The following ODR4 variants were observed in gnomAD, a reference collection of about 807,000 sequenced individuals.
ODR4 encodes the protein odr-4 GPCR localization factor homolog.
ODR4 carries 47 observed loss-of-function variants against 60.2 expected under a neutral mutation model. That is an observed-to-expected ratio of 0.78 (90% CI 0.62 to 1.00). ODR4 has a LOEUF of 1.00. ODR4 is among the 50% of genes least tolerant of loss of function. The probability of loss-of-function intolerance (pLI) is 0.00; values close to 1 mark genes in which losing one functional copy is unlikely to be tolerated. For synonymous variants in ODR4, 178 were observed against 175.5 expected, an observed-to-expected ratio of 1.01 and a Z score of -0.11; for missense variants, 488 against 530.8, an observed-to-expected ratio of 0.92 and a Z score of 0.79.
intron 4 of ODR4, among the ~76,000 whole-genome samples, chr1:186,386,476 G>A (rs765203823): frequency 6.6e-6 from 1 of 151,940 alleles, no homozygotes; most frequent in East Asian, 1.9e-4. Context: ...TGTAAATTAT[G>A]CAAACAAATA....
intron 7 of ODR4, 24 bp from the exon 8 acceptor site, chr1:186,391,672 T>G (rs985091219): frequency 4.8e-6 from 7 of 1,455,926 alleles, no homozygotes; most frequent in Non-Finnish European, 6.7e-6. Flanking sequence ...ATCTGAAAGA[T>G]TTCCATGTTG....
downstream of ODR4, among the ~76,000 whole-genome samples, chr1:186,422,151 A>AT (rs200418489): frequency 1.4e-3 from 217 of 151,878 alleles, no homozygotes; most frequent in Admixed American, 4.1e-3. Context: ...TAAAAAAAAA[A>AT]TTTTTTTTAA....
intron 8 of ODR4, 41 bp from the exon 9 acceptor site, chr1:186,393,906 A>G: frequency 1.9e-6 from 2 of 1,049,792 alleles, no homozygotes; most frequent in Non-Finnish European, 2.9e-6. Context: ...TATGTTTTAC[A>G]GGCTTCACAG....
chr1:186,405,586 T>C (rs1661141668), intron 11 of ODR4, among the ~76,000 whole-genome samples: 1 of 152,204 alleles, frequency 6.6e-6, no homozygotes, highest in Non-Finnish European at 1.5e-5. Flanking sequence ...GGAGTCTCGC[T>C]CTGTTGCCCA....
Position 186,379,862 on chromosome 1 carries a change from T to A in ODR4, c.77T>A (p.Val26Asp), listed in dbSNP as rs371474114. The A allele has an allele frequency of 3.9e-5, 62 of 1,604,844 alleles. No individual in the cohort carries two copies. Among genetic ancestry groups the A allele is most frequent in the Non-Finnish European group, 4.8e-5 (56 of 1,174,596 alleles). Reference sequence around the variant, plus strand: ...ATAAATCTCCAAGGAAAGGCTTTTGTCTCTGGCCTTTTAATAGGACAGGTA... The same window carrying A: ...ATAAATCTCCAAGGAAAGGCTTTTGACTCTGGCCTTTTAATAGGACAGGTA... Reference protein sequence around the residue: ...SNINLQGKAFVSGLLIGQCSS... With the variant: ...SNINLQGKAFDSGLLIGQCSS... The change falls in exon 2 of 14, where the codon GTC (valine) becomes GAC (aspartate). Residue 26 changes from valine to aspartate, a missense_variant. By Grantham distance (152) the Val-to-Asp change is radical. Transcript: ENST00000287859.
In ODR4 at chr1:186,420,603, T is replaced by C. The variant is rs1661739597; in HGVS notation, c.*1527T>C. 6.6e-6 allele frequency: 1 copy of C among 151,914 alleles called. No homozygotes were observed. The highest frequency in any genetic ancestry group is 2.4e-5 in the African/African-American group (1 of 41,360). 9.4% of individuals were successfully genotyped at this position (151,914 alleles called of 1,614,324 possible). ...AAATAGAGCTCCTAAAAATGAGAAA[T>C]ATTTATTGAAATAAGAAAAAAGCCC... On this transcript the variant is annotated 3_prime_UTR_variant, in exon 14 of 14. Coordinates refer to ENST00000287859, the MANE Select transcript of ODR4 (RefSeq NM_017847.6).
At position 186,419,381 on chromosome 1, in the gene ODR4, C is replaced by G; in HGVS notation, c.*305C>G. On this transcript the variant is annotated 3_prime_UTR_variant, in exon 14 of 14. Transcript: ENST00000287859. The stretch of plus-strand genomic sequence containing the variant: ...ATGGGATATGATCATAGATTTTAGT[C>G]TTACTAATCTGAATCACATATTAAT... 5.9e-6 allele frequency: 2 copies of G among 338,722 alleles called. No individual in the cohort carries two copies. The highest frequency in any genetic ancestry group is 1.1e-5 in the Non-Finnish European group (2 of 180,904). The allele number at this position is 338,722 out of a possible 1,614,324, so 21.0% of individuals were successfully genotyped here.
chr1:186,400,194 G>T (rs1660879381), intron 11 of ODR4, among the ~76,000 whole-genome samples: 1 of 150,786 alleles, frequency 6.6e-6, no homozygotes, highest in Admixed American at 6.6e-5. Flanking sequence ...GTTTCACCGT[G>T]TTAGCCAGGA....
At chr1:186,414,622 C>T (rs1300329885) in intron 12 of ODR4, among the ~76,000 whole-genome samples, 3 of 151,896 alleles carry the variant, frequency 2.0e-5, no homozygotes, top group South Asian at 2.1e-4. Flanking sequence ...TGGGTTCACG[C>T]CATTCTCCTG....
chr1:186,426,136 C>T (rs1323113194), downstream of ODR4, among the ~76,000 whole-genome samples: 1 of 152,202 alleles, frequency 6.6e-6, no homozygotes, highest in Non-Finnish European at 1.5e-5. Flanking sequence ...CTAGCCACCA[C>T]TGTCTGTATT....
chr1:186,402,917 C>T lies in ODR4; in HGVS notation c.1001-3166C>T, dbSNP rs899384495. Among the ~76,000 whole-genome samples the T allele has an allele frequency of 2.0e-5, 3 of 151,984 alleles. No individual in the cohort carries two copies. The East Asian group carries it at 5.8e-4, about 29-fold the overall frequency. On this transcript the variant is annotated intron_variant, in intron 11 of 13. Transcript: ENST00000287859. Reference sequence around the variant, plus strand: ...ATATATAAAATAGGAATTATGGTACCTACTTTTTGAGGCTGCAAGATTAAA... The same window carrying T: ...ATATATAAAATAGGAATTATGGTACTTACTTTTTGAGGCTGCAAGATTAAA...
rs16825332 is a variant in ODR4 at position 186,418,514 on chromosome 1, G to A, written c.1298-495G>A. 1.4e-3 allele frequency among the ~76,000 whole-genome samples: 212 copies of A among 151,920 alleles called. 1 individual carries two copies. The highest frequency in any genetic ancestry group is 4.7e-3 in the African/African-American group (196 of 41,492). On this transcript the variant is annotated intron_variant, in intron 13 of 13. Coordinates refer to ENST00000287859, the MANE Select transcript of ODR4 (RefSeq NM_017847.6). ...TCTTTCTTTAGCTTACTATAATCAG[G>A]AAAAAATAAAAGTTACAACTTAGAT...
the ODR4 span, among the ~76,000 whole-genome samples, chr1:186,433,527 G>A: frequency 2.0e-5 from 3 of 151,932 alleles, no homozygotes; most frequent in Non-Finnish European, 4.4e-5. Flanking sequence ...GTGTGTTGGA[G>A]GTGGAAAAGT....
chr1:186,393,294 C>T (rs145690123), intron 8 of ODR4, among the ~76,000 whole-genome samples: 10 of 152,058 alleles, frequency 6.6e-5, no homozygotes, highest in African/African-American at 1.9e-4. Context: ...AAAAATAAGT[C>T]CAGGAAAAAA....
At chr1:186,411,721 A>G (rs755076596) in intron 12 of ODR4, 4 of 224,128 alleles carry the variant, frequency 1.8e-5, no homozygotes, top group Non-Finnish European at 3.0e-5. Context: ...TTTAACTTTC[A>G]TAAACTTTTA....
At chr1:186,430,351 G>T in the ODR4 span, among the ~76,000 whole-genome samples, 3 of 151,954 alleles carry the variant, frequency 2.0e-5, no homozygotes, top group Non-Finnish European at 4.4e-5. Context: ...AATTAAAAAG[G>T]CTTGGTATTT....
At chr1:186,391,955 T>G (rs1660484291) in intron 8 of ODR4, among the ~76,000 whole-genome samples, 164 bp downstream of exon 8, 1 of 152,054 alleles carries the variant, frequency 6.6e-6, no homozygotes, top group Admixed American at 6.6e-5. Context: ...AAAAACAACC[T>G]CATTAAAAAG....
In ODR4 at chr1:186,377,841, C is replaced by T. The variant is rs138218319; in HGVS notation, c.-20+1867C>T. On this transcript the variant is annotated intron_variant, in intron 1 of 13. Transcript: ENST00000287859. Reference sequence around the variant, plus strand: ...CAGGCAGATCACACGGTCAGGAGATCGAGACTATCCTGGCTAACACGGTGA... The same window carrying T: ...CAGGCAGATCACACGGTCAGGAGATTGAGACTATCCTGGCTAACACGGTGA... Among the ~76,000 whole-genome samples, 1,208 of 152,160 alleles carry T rather than the reference C, an allele frequency of 7.9e-3. 19 individuals are homozygous for T. Among genetic ancestry groups the T allele is most frequent in the African/African-American group, 0.028 (1,148 of 41,514 alleles).
rs1261392930 is a variant in ODR4 at position 186,383,162 on chromosome 1, C to T, written c.234+6C>T. The stretch of plus-strand genomic sequence containing the variant: ...CCACAGAACATGCCTGCCAGGTTAT[C>T]TTATTTTTTTGTTTATATGTTTAAG... On this transcript the variant is annotated splice_donor_region_variant and intron_variant, in intron 3 of 13. Coordinates refer to ENST00000287859, the MANE Select transcript of ODR4 (RefSeq NM_017847.6). 6.5e-7 allele frequency: 1 copy of T among 1,539,932 alleles called. No individual in the cohort carries two copies. Among genetic ancestry groups the T allele is most frequent in the African/African-American group, 1.4e-5 (1 of 72,020 alleles).
Sources: gnomAD v4.1 joint callset for allele counts (sites outside exome capture counted in the v4.1 genomes callset) on GRCh38, gnomAD v4.1.1 for gene constraint, MANE v1.5 for transcripts, NCBI Gene and HGNC (gene_info 2026-07-23, HGNC 2026-07-21) for gene names.